Variants in CYP4V2 observed in about 807,000 individuals in gnomAD.
CYP4V2 encodes the protein cytochrome P450 4V2.
Under a neutral mutation model 60.8 loss-of-function variants are expected in CYP4V2, and 55 were observed. The observed-to-expected ratio is 0.90, with a 90% CI of 0.73 to 1.13. The LOEUF is 1.13. CYP4V2 is among the 50% of genes most tolerant of loss of function. The pLI is 0.00. For missense variants in CYP4V2, 675 were observed against 662.9 expected, an observed-to-expected ratio of 1.02 and a Z score of -0.20; for synonymous variants, 239 against 236.8, an observed-to-expected ratio of 1.01 and a Z score of -0.08.
chr4:186,199,834 A>T (rs138109534), intron 6 of CYP4V2, among the ~76,000 whole-genome samples: 3 of 152,360 alleles, frequency 2.0e-5, no homozygotes, highest in African/African-American at 7.2e-5. Flanking sequence ...ACATCAAATT[A>T]TAATTTCAGT....
chr4:186,211,732 CT>C lies in CYP4V2; in HGVS notation c.*1092del, dbSNP rs1205290516. The stretch of plus-strand genomic sequence containing the variant: ...ATAATTTGAAAGAGGTGAGTATGTA[CT>C]CTGACTTCAGCTCTCAGGTTTTAAA... On this transcript the variant is annotated 3_prime_UTR_variant, in exon 11 of 11. Coordinates refer to ENST00000378802, the MANE Select transcript of CYP4V2 (RefSeq NM_207352.4). The C allele has an allele frequency of 6.9e-6, 1 of 145,002 alleles. No homozygotes were observed. The highest frequency in any genetic ancestry group is 1.5e-5 in the Non-Finnish European group (1 of 65,794). 9.0% of individuals were successfully genotyped at this position (145,002 alleles called of 1,614,324 possible). A position where few individuals can be genotyped will look rare whatever the true frequency, so the allele number is the denominator to read the frequency against.
intron 2 of CYP4V2, 76 bp downstream of exon 2, chr4:186,194,688 GTGTCC>G: frequency 2.3e-6 from 3 of 1,320,184 alleles, no homozygotes; most frequent in Non-Finnish European, 3.3e-6. Context: ...TCAATATAAC[GTGTCC>G]TTATATTTCA....
At chr4:186,197,730 C>A in intron 5 of CYP4V2, 128 bp downstream of exon 5, 1 of 937,876 alleles carries the variant, frequency 1.1e-6, no homozygotes, top group Non-Finnish European at 1.7e-6. Flanking sequence ...AAGTTAACCT[C>A]ATCATGTAAG....
intron 10 of CYP4V2, among the ~76,000 whole-genome samples, chr4:186,209,993 T>C (rs1018380046): frequency 6.6e-6 from 1 of 152,248 alleles, no homozygotes; most frequent in Admixed American, 6.5e-5. Flanking sequence ...AGCAAATGCT[T>C]GCCATATGGC....
rs377390043 is a variant in CYP4V2, at chr4:186,201,158, T to A, written c.803T>A (p.Val268Asp). 6.2e-7 allele frequency: 1 copy of A among 1,613,774 alleles called. No homozygotes were observed. The highest frequency in any genetic ancestry group is 1.1e-5 in the South Asian group (1 of 91,074). Residue 268 changes from valine (V) to aspartate (D), a missense_variant and splice_region_variant, in exon 7 of 11, where the codon GTC (valine) becomes GAC (aspartate). Val to Asp is a radical substitution (Grantham distance 152). Transcript: ENST00000378802. ...GTGATTATCATTCAAATCATACAGG[T>A]CATCGCTGAACGGGCCAATGAAATG... ...LQILHTFTNS[V>D]IAERANEMNA...
chr4:186,197,580 G>A lies in CYP4V2; in HGVS notation c.652G>A (p.Glu218Lys), dbSNP rs770048736. The A allele has an allele frequency of 1.1e-5, 17 of 1,614,046 alleles. No individual in the cohort carries two copies. The South Asian group carries it at 1.2e-4, about 11-fold the overall frequency. ...TGGTGCTCAAAGTAATGATGATTCC[G>A]AGTATGTCCGTGCAGTTTATAGGTA... is the stretch of plus-strand genomic sequence containing the variant. Reference protein sequence around the residue: ...NIGAQSNDDSEYVRAVYRMSE... With the variant: ...NIGAQSNDDSKYVRAVYRMSE... The change falls in exon 5 of 11, where the codon GAG becomes AAG. Residue 218 changes from glutamate (E) to lysine (K), a missense_variant. Physicochemically the swap from Glu to Lys is moderately conservative, Grantham distance 56. Transcript: ENST00000378802.
At chr4:186,209,662 C>T (rs1273140459) in intron 10 of CYP4V2, among the ~76,000 whole-genome samples, 2 of 152,162 alleles carry the variant, frequency 1.3e-5, no homozygotes, top group East Asian at 1.9e-4. Context: ...CTGTGTGGGT[C>T]TGTGTCCTGA....
rs72646245 is a variant in CYP4V2 at position 186,194,697 on chromosome 4, T to C, written c.327+85T>C. The C allele has an allele frequency of 6.3e-6, 8 of 1,271,426 alleles. No individual in the cohort carries two copies. In the Admixed American group the frequency reaches 1.1e-4, roughly 17 times the overall value. 78.8% of individuals were successfully genotyped at this position (1,271,426 alleles called of 1,614,324 possible). On this transcript the variant is annotated intron_variant, in intron 2 of 10. Coordinates refer to ENST00000378802, the MANE Select transcript of CYP4V2 (RefSeq NM_207352.4). ...CCAGAATCAATATAACGTGTCCTTATATTTCAGCCATTTCAGCACAAAAAA... is the reference window on the plus strand; with the variant it reads ...CCAGAATCAATATAACGTGTCCTTACATTTCAGCCATTTCAGCACAAAAAA...
rs994603252 is a variant in CYP4V2, at chr4:186,205,414, C to T, written c.1090+112C>T. On this transcript the variant is annotated intron_variant, in intron 8 of 10. Transcript: ENST00000378802. Reference sequence around the variant, plus strand: ...GGAAGGCTCCCCCACGGGATCCTTTCCAGTACCATCCCCTTTGCAAGGCCT... The same window carrying T: ...GGAAGGCTCCCCCACGGGATCCTTTTCAGTACCATCCCCTTTGCAAGGCCT... 5 of 1,041,916 alleles carry T rather than the reference C, an allele frequency of 4.8e-6. No individual in the cohort carries two copies. The African/African-American group carries it at 8.0e-5, about 17-fold the overall frequency. The allele number at this position is 1,041,916 out of a possible 1,614,324, so 64.5% of individuals were successfully genotyped here. A position where few individuals can be genotyped will look rare whatever the true frequency, so the allele number is the denominator to read the frequency against.
At position 186,209,266 on chromosome 4, in the gene CYP4V2, T is replaced by C; in HGVS notation, c.1399T>C (p.Cys467Arg). 1 of 1,613,960 alleles carries C rather than the reference T, an allele frequency of 6.2e-7. No individual in the cohort carries two copies. Among genetic ancestry groups the C allele is most frequent in the Non-Finnish European group, 8.5e-7 (1 of 1,179,988 alleles). Residue 467 changes from cysteine to arginine, a missense_variant, in exon 10 of 11, where the codon TGT (cysteine) becomes CGT (arginine). Physicochemically the swap from Cys to Arg is radical, Grantham distance 180. Coordinates refer to ENST00000378802, the MANE Select transcript of CYP4V2 (RefSeq NM_207352.4). ...YVPFSAGPRNCIGQKFAVMEE... is the reference protein window; with the variant it reads ...YVPFSAGPRNRIGQKFAVMEE... ...GCCCTTCTCTGCTGGCCCCAGGAAC[T>C]GTATAGGTTTGTATCCATCTGAATT...
chr4:186,199,235 C>T, intron 6 of CYP4V2, 152 bp downstream of exon 6: 1 of 817,474 alleles, frequency 1.2e-6, no homozygotes. Flanking sequence ...TTTGGTAAGT[C>T]CATGATGTTG....
Position 186,192,014 on chromosome 4 carries a change from T to C in CYP4V2, c.191T>C (p.Leu64Pro). Residue 64 changes from leucine (L) to proline (P), a missense_variant, in exon 1 of 11, where the codon CTG becomes CCG. Physicochemically the swap from Leu to Pro is moderately conservative, Grantham distance 98 (BLOSUM62 -3). Coordinates refer to ENST00000378802, the MANE Select transcript of CYP4V2 (RefSeq NM_207352.4). ...ARAYPLVGHA[L>P]LMKPDGREFF... ...GCCTACCCACTGGTGGGCCACGCGCTGCTGATGAAGCCGGACGGGCGAGGT... is the reference window on the plus strand; with the variant it reads ...GCCTACCCACTGGTGGGCCACGCGCCGCTGATGAAGCCGGACGGGCGAGGT... The C allele has an allele frequency of 6.3e-7, 1 of 1,582,892 alleles. No individual in the cohort carries two copies. Among genetic ancestry groups the C allele is most frequent in the South Asian group, 1.1e-5 (1 of 87,706 alleles).
Position 186,210,822 on chromosome 4 carries a change from T to A in CYP4V2, c.*181T>A. The A allele has an allele frequency of 1.4e-6, 1 of 718,546 alleles. No individual in the cohort carries two copies. Among genetic ancestry groups the A allele is most frequent in the Non-Finnish European group, 2.2e-6 (1 of 449,546 alleles). 44.5% of individuals were successfully genotyped at this position (718,546 alleles called of 1,614,324 possible). On this transcript the variant is annotated 3_prime_UTR_variant, in exon 11 of 11. Coordinates refer to ENST00000378802, the MANE Select transcript of CYP4V2 (RefSeq NM_207352.4). ...AAAAAGTTTTGAGTTTTGTATTTTC[T>A]TTTTTCTTTTTTCTTTATTTTTTTT...
At chr4:186,201,379 A>T (rs770665412) in intron 7 of CYP4V2, 37 bp downstream of exon 7, 1 of 1,602,314 alleles carries the variant, frequency 6.2e-7, no homozygotes, top group Non-Finnish European at 8.5e-7. Context: ...TCATTAAACA[A>T]ATTTCAGTTA....
At chr4:186,207,344 G>A (rs1400945950) in intron 8 of CYP4V2, among the ~76,000 whole-genome samples, 26 of 148,312 alleles carry the variant, frequency 1.8e-4, no homozygotes, top group Admixed American at 1.2e-3. Flanking sequence ...CTCAGGGGGC[G>A]GAGCTTACAG....
intron 1 of CYP4V2, 143 bp from the exon 2 acceptor site, chr4:186,194,357 C>A: frequency 1.4e-6 from 1 of 730,902 alleles, no homozygotes. Context: ...AGGCAGTTCA[C>A]ACATGCTCTC....
chr4:186,195,518 A>C lies in CYP4V2; in HGVS notation c.328-485A>C, dbSNP rs72646250. ...TGATCCGATCACGTTCATGGCTTCC[A>C]TTGCTGCCTCTATGCTGGGGACACT... is the stretch of plus-strand genomic sequence containing the variant. On this transcript the variant is annotated intron_variant, in intron 2 of 10. Transcript: ENST00000378802. This position sits in a 1 kb window ranked among gnomAD's most constrained non-coding sequence, Gnocchi z 4.1. 2.5e-4 allele frequency among the ~76,000 whole-genome samples: 38 copies of C among 152,122 alleles called. No individual in the cohort carries two copies. Among genetic ancestry groups the C allele is most frequent in the African/African-American group, 7.7e-4 (32 of 41,492 alleles).
At chr4:186,208,289 C>T (rs1178794464) in intron 8 of CYP4V2, among the ~76,000 whole-genome samples, 1 of 149,964 alleles carries the variant, frequency 6.7e-6, no homozygotes. Context: ...CCTTGATCCA[C>T]GTGTTCTTCT....
chr4:186,191,906 G>T lies in CYP4V2; in HGVS notation c.83G>T (p.Ser28Ile). The T allele has an allele frequency of 6.3e-7, 1 of 1,593,406 alleles. No individual in the cohort carries two copies. Residue 28 changes from serine (S) to isoleucine (I), a missense_variant, in exon 1 of 11, where the codon AGT becomes ATT. By Grantham distance (142) the Ser-to-Ile change is moderately radical. Coordinates refer to ENST00000378802, the MANE Select transcript of CYP4V2 (RefSeq NM_207352.4). ...AGTGCCCTTTCCCTGGCCGGCGCCA[G>T]TCTGGTCCTGAGCCTGCTGCAGAGG... is the stretch of plus-strand genomic sequence containing the variant. ...AASALSLAGA[S>I]LVLSLLQRVA...
Sources: gnomAD v4.1 joint callset for allele counts (sites outside exome capture counted in the v4.1 genomes callset) on GRCh38, gnomAD v4.1.1 for gene constraint, Gnocchi (gnomAD v3.1) non-coding constraint, MANE v1.5 for transcripts, NCBI Gene and HGNC (gene_info 2026-07-23, HGNC 2026-07-21) for gene names.